Variants in NSD1 observed in about 807,000 individuals in gnomAD.
NSD1 encodes histone-lysine N-methyltransferase, H3 lysine-36 specific.
In NSD1, 26 loss-of-function variants were observed where a neutral mutation model predicts 242.7. The ratio of observed to expected loss-of-function variants is 0.11; its 90% CI spans 0.08 to 0.15. NSD1 has a LOEUF of 0.15. NSD1 is among the 10% of genes least tolerant of loss of function. NSD1 has a pLI of 1.00. For synonymous variants in NSD1, 1,106 were observed against 1,178.1 expected (o/e 0.94, Z 1.25); for missense variants, 2,495 against 3,272.8 (o/e 0.76, Z 5.80).
At chr5:177,161,212 G>T (rs1200657571) in intron 2 of NSD1, among the ~76,000 whole-genome samples, 1 of 151,884 alleles carries the variant, frequency 6.6e-6, no homozygotes, top group African/African-American at 2.4e-5. Context: ...AGGGAGATCC[G>T]GCCTCTACAA....
At chr5:177,280,271 C>T (rs1758767321) in intron 17 of NSD1, among the ~76,000 whole-genome samples, 1 of 151,634 alleles carries the variant, frequency 6.6e-6, no homozygotes, top group Non-Finnish European at 1.5e-5. Flanking sequence ...GCCACCGTAC[C>T]TGGCTCGTAT....
chr5:177,132,635 C>A (rs1755956574), upstream of NSD1, among the ~76,000 whole-genome samples: 1 of 151,990 alleles, frequency 6.6e-6, no homozygotes. The surrounding 1 kb of genome is among the most constrained non-coding windows in gnomAD (Gnocchi z 7.5). Flanking sequence ...TGCGGACGCG[C>A]TGTCAGGCTG....
In NSD1 at chr5:177,219,197, T is replaced by C. The variant is rs968584639; in HGVS notation, c.3796+7002T>C. Among the ~76,000 whole-genome samples, 5 of 152,030 alleles carry C rather than the reference T, an allele frequency of 3.3e-5. No homozygotes were observed. The East Asian group carries it at 9.7e-4, about 29-fold the overall frequency. ...GCTGCATCCCATAAGTTTTGTGTTT[T>C]TTTTTTTGAGAGGGAGTCTCGCTCT... is the stretch of plus-strand genomic sequence containing the variant. On this transcript the variant is annotated intron_variant, in intron 5 of 22. Transcript: ENST00000439151.
intron 3 of NSD1, among the ~76,000 whole-genome samples, chr5:177,198,254 G>A (rs1390911484): frequency 6.6e-6 from 1 of 152,124 alleles, no homozygotes; most frequent in Non-Finnish European, 1.5e-5. Context: ...TTGAACTCCT[G>A]GCCTTAAGTG....
At chr5:177,268,441 T>C (rs1757693525) in intron 15 of NSD1, among the ~76,000 whole-genome samples, 1 of 151,762 alleles carries the variant, frequency 6.6e-6, no homozygotes, top group South Asian at 2.1e-4. Context: ...ACAAACCACG[T>C]TGTGCACATG....
chr5:177,267,136 G>A (rs1252668816), intron 14 of NSD1, among the ~76,000 whole-genome samples: 1 of 152,170 alleles, frequency 6.6e-6, no homozygotes, highest in East Asian at 1.9e-4. Context: ...GGGATTACAG[G>A]CCTGAGGCAC....
intron 5 of NSD1, among the ~76,000 whole-genome samples, chr5:177,226,420 A>T (rs1160772738): frequency 1.3e-5 from 2 of 152,226 alleles, no homozygotes; most frequent in African/African-American, 2.4e-5. Context: ...AAAATTTAGC[A>T]TAGTTAAAAA....
At chr5:177,220,958 G>T in intron 5 of NSD1, 1 of 448,630 alleles carries the variant, frequency 2.2e-6, no homozygotes. Context: ...TCCACCTCTG[G>T]GTTCAAGCGA....
chr5:177,142,138 A>G (rs1430201828), intron 2 of NSD1, among the ~76,000 whole-genome samples: 1 of 152,048 alleles, frequency 6.6e-6, no homozygotes, highest in African/African-American at 2.4e-5. Flanking sequence ...CCAGCCTATT[A>G]TTTTCATTTT....
intron 2 of NSD1, among the ~76,000 whole-genome samples, chr5:177,148,211 G>A (rs748247067): frequency 6.6e-5 from 10 of 151,826 alleles, no homozygotes; most frequent in Non-Finnish European, 1.2e-4. Context: ...TCTGCCTCCT[G>A]GGTTCAAGCG....
chr5:177,183,510 G>A (rs1056503357), intron 2 of NSD1, among the ~76,000 whole-genome samples: 8 of 152,050 alleles, frequency 5.3e-5, no homozygotes, highest in East Asian at 3.8e-4. Flanking sequence ...CAATGTTTGT[G>A]TATATATATT....
intron 21 of NSD1, among the ~76,000 whole-genome samples, chr5:177,290,274 T>C (rs1422760649): frequency 6.6e-6 from 1 of 151,226 alleles, no homozygotes; most frequent in Non-Finnish European, 1.5e-5. Flanking sequence ...AATTGCAGTT[T>C]AATTTTGATA....
intron 2 of NSD1, among the ~76,000 whole-genome samples, chr5:177,136,630 T>A (rs1280531039): frequency 6.7e-6 from 1 of 150,134 alleles, no homozygotes; most frequent in Non-Finnish European, 1.5e-5. Flanking sequence ...TGAGGTGGAG[T>A]CTCACTCTGT....
intron 2 of NSD1, among the ~76,000 whole-genome samples, chr5:177,158,947 C>T (rs199582108): frequency 1.6e-4 from 19 of 115,478 alleles, no homozygotes; most frequent in African/African-American, 6.8e-4. Context: ...TGTATATATA[C>T]ACACATATAT....
intron 14 of NSD1, among the ~76,000 whole-genome samples, chr5:177,262,833 A>ATAGCTTATCTTCAC (rs1757100233): frequency 6.6e-6 from 1 of 152,214 alleles, no homozygotes; most frequent in Non-Finnish European, 1.5e-5. Context: ...ATGGAAACCG[A>ATAGCTTATCTTCAC]TAGCTTATCT....
chr5:177,277,868 G>T lies in NSD1; in HGVS notation c.5623-2697G>T, dbSNP rs115850437. Among the ~76,000 whole-genome samples the T allele has an allele frequency of 2.0e-3, 301 of 152,280 alleles. 1 individual carries two copies. Among genetic ancestry groups the T allele is most frequent in the African/African-American group, 6.9e-3 (287 of 41,544 alleles). On this transcript the variant is annotated intron_variant, in intron 17 of 22. Transcript: ENST00000439151. ...TCAAAACAAAAACAAATATATATTTGTAGAGAGAAAAGAAGTAGCATGAAC... is the reference window on the plus strand; with the variant it reads ...TCAAAACAAAAACAAATATATATTTTTAGAGAGAAAAGAAGTAGCATGAAC...
At chr5:177,212,296 A>C (rs778879559) in intron 5 of NSD1, 101 bp downstream of exon 5, 24 of 1,186,012 alleles carry the variant, frequency 2.0e-5, no homozygotes, top group Non-Finnish European at 2.8e-5. Flanking sequence ...AGTGAAGTAT[A>C]AACTAGCGGG....
At chr5:177,244,652 T>G (rs1204100455) in intron 9 of NSD1, among the ~76,000 whole-genome samples, 1 of 152,234 alleles carries the variant, frequency 6.6e-6, no homozygotes, top group African/African-American at 2.4e-5. Context: ...TCCATGCCAC[T>G]TCTTTCTTCC....
chr5:177,210,767 A>T lies in NSD1; in HGVS notation c.2368A>T (p.Ile790Leu), dbSNP rs1763275939. The change falls in exon 5 of 23, where the codon ATA (isoleucine) becomes TTA (leucine). Residue 790 changes from isoleucine (I) to leucine (L), a missense_variant. By Grantham distance (5) the Ile-to-Leu change is conservative. This residue lies in a region of NSD1 where 515 missense variants were observed against 467.0 expected (regional missense o/e 1.10). Coordinates refer to ENST00000439151, the MANE Select transcript of NSD1 (RefSeq NM_022455.5). ...AAGCAAACAGCCCAAGTTCCGAAGT[A>T]TAAAGTGCAAACACAAAGAAAATCC... ...SKSKQPKFRS[I>L]KCKHKENPVM... is the part of the protein sequence containing the mutation. 1.9e-6 allele frequency: 3 copies of T among 1,614,130 alleles called. No homozygotes were observed. Among genetic ancestry groups the T allele is most frequent in the Non-Finnish European group, 2.5e-6 (3 of 1,180,060 alleles).
Sources: allele counts gnomAD v4.1 joint callset (sites outside exome capture counted in the v4.1 genomes callset), GRCh38; gene constraint gnomAD v4.1.1; regional missense constraint gnomAD v4.1.1; non-coding constraint Gnocchi (gnomAD v3.1); transcripts MANE v1.5; gene names NCBI Gene and HGNC (gene_info 2026-07-23, HGNC 2026-07-21).